Variants in AKAP6 observed in about 807,000 individuals in gnomAD.
AKAP6 encodes the protein A-kinase anchoring protein 6, also known as A-kinase anchor protein 6.
A neutral mutation model predicts 188.5 loss-of-function variants in AKAP6; 58 were observed. The observed-to-expected ratio is 0.31, with a 90% confidence interval of 0.25 to 0.38. The LOEUF (loss-of-function observed/expected upper bound fraction) is 0.38. AKAP6 is among the 10% of genes least tolerant of loss of function. The probability of loss-of-function intolerance (pLI) is 1.00; values close to 1 mark genes in which losing one functional copy is unlikely to be tolerated. For missense variants in AKAP6, 2,710 were observed against 2,740.0 expected (o/e 0.99, Z 0.24); for synonymous variants, 989 against 998.6 (o/e 0.99, Z 0.18).
In AKAP6 at chr14:32,543,845, T is replaced by G. The variant is rs114488660; in HGVS notation, c.577-1385T>G. On this transcript the variant is annotated intron_variant, in intron 3 of 13. Transcript: ENST00000280979. ...CTCTTATGTAAGAAAGGGACAATAGTACAGACGGCAGAAGAAAATTTTAAG... is the reference window on the plus strand; with the variant it reads ...CTCTTATGTAAGAAAGGGACAATAGGACAGACGGCAGAAGAAAATTTTAAG... 1.7e-3 allele frequency among the ~76,000 whole-genome samples: 261 copies of G among 152,286 alleles called. 2 individuals are homozygous for G. Among genetic ancestry groups the G allele is most frequent in the Middle Eastern group, 6.8e-3 (2 of 294 alleles).
At position 32,831,443 on chromosome 14, in the gene AKAP6, C is replaced by A. The variant is rs759682966; in HGVS notation, c.*1638C>A. The A allele has an allele frequency of 2.2e-4, 34 of 152,158 alleles. No homozygotes were observed. Among genetic ancestry groups the A allele is most frequent in the Non-Finnish European group, 4.4e-4 (30 of 68,014 alleles). 9.4% of individuals were successfully genotyped at this position (152,158 alleles called of 1,614,324 possible). A position where few individuals can be genotyped will look rare whatever the true frequency, so the allele number is the denominator to read the frequency against. On this transcript the variant is annotated 3_prime_UTR_variant, in exon 14 of 14. Coordinates refer to ENST00000280979, the MANE Select transcript of AKAP6 (RefSeq NM_004274.5). The stretch of plus-strand genomic sequence containing the variant: ...AGAGGTACAATGCAATATAAAGTCA[C>A]AATAGATAATATATATCAAATTTCT...
intron 10 of AKAP6, among the ~76,000 whole-genome samples, chr14:32,735,162 T>A (rs1240735512): frequency 6.6e-6 from 1 of 152,324 alleles, no homozygotes; most frequent in South Asian, 2.1e-4. Context: ...TTCGGAAATA[T>A]GTCACAAAAC....
At chr14:32,593,831 C>A (rs968581267) in intron 5 of AKAP6, among the ~76,000 whole-genome samples, 1 of 152,120 alleles carries the variant, frequency 6.6e-6, no homozygotes, top group Non-Finnish European at 1.5e-5. Context: ...TTGCTCTTCC[C>A]CATGTCTCAT....
In AKAP6 at chr14:32,545,902, C is replaced by T; in HGVS notation, c.1249C>T (p.Leu417=). Residue 417 remains leucine (L), a synonymous_variant, in exon 4 of 14, where the codon CTA becomes TTA. Coordinates refer to ENST00000280979, the MANE Select transcript of AKAP6 (RefSeq NM_004274.5). The part of the protein sequence containing the change: ...GNGGKRQMVD[L]KPEMSRSTPS... The stretch of plus-strand genomic sequence containing the variant: ...TGGTGGAAAGAGGCAAATGGTTGAT[C>T]TAAAGCCTGAGATGAGCAGAAGCAC... 2.5e-6 allele frequency: 4 copies of T among 1,614,186 alleles called. No homozygotes were observed. The highest frequency in any genetic ancestry group is 2.5e-6 in the Non-Finnish European group (3 of 1,180,030).
At chr14:32,345,697 AGT>A (rs1887044043) in intron 1 of AKAP6, among the ~76,000 whole-genome samples, 1 of 152,312 alleles carries the variant, frequency 6.6e-6, no homozygotes, top group Admixed American at 6.5e-5. Flanking sequence ...GTCATGAGGA[AGT>A]GTCCTGTCTC....
Position 32,822,283 on chromosome 14 carries a change from A to G in AKAP6, c.4470A>G (p.Glu1490=). The change falls in exon 13 of 14, where the codon GAA becomes GAG. Residue 1490 remains glutamate, a synonymous_variant. Transcript: ENST00000280979. ...LPMIMKQSQS[E]KAHVEDPLLR... ...TGATAATGAAACAGTCACAAAGCGAAAAAGCGCATGTGGAGGATCCCCTGC... is the reference window on the plus strand; with the variant it reads ...TGATAATGAAACAGTCACAAAGCGAGAAAGCGCATGTGGAGGATCCCCTGC... 6.2e-7 allele frequency: 1 copy of G among 1,613,912 alleles called. No homozygotes were observed. Among genetic ancestry groups the G allele is most frequent in the Middle Eastern group, 1.7e-4 (1 of 6,058 alleles).
At chr14:32,797,369 C>G (rs2033802989) in intron 12 of AKAP6, among the ~76,000 whole-genome samples, 1 of 152,144 alleles carries the variant, frequency 6.6e-6, no homozygotes, top group African/African-American at 2.4e-5. Flanking sequence ...AACCTAAACC[C>G]TATCAGTGAT....
chr14:32,617,269 T>A (rs1373817124), intron 7 of AKAP6, among the ~76,000 whole-genome samples: 1 of 152,072 alleles, frequency 6.6e-6, no homozygotes, highest in Non-Finnish European at 1.5e-5. Context: ...CTTGTTCAGC[T>A]CCCTATCTTT....
At chr14:32,548,023 A>T (rs1883274340) in intron 4 of AKAP6, among the ~76,000 whole-genome samples, 1 of 151,648 alleles carries the variant, frequency 6.6e-6, no homozygotes, top group African/African-American at 2.4e-5. Context: ...GTTTGATGAC[A>T]TATCAATGGC....
chr14:32,735,485 G>A (rs1209601737), intron 10 of AKAP6, among the ~76,000 whole-genome samples, 173 bp from the exon 11 acceptor site: 2 of 152,124 alleles, frequency 1.3e-5, no homozygotes, highest in Admixed American at 6.6e-5. Flanking sequence ...TGAACTGAAT[G>A]TCAGTAGTGA....
intron 7 of AKAP6, among the ~76,000 whole-genome samples, chr14:32,642,516 GT>G (rs1887803211): frequency 6.6e-6 from 1 of 152,082 alleles, no homozygotes; most frequent in Non-Finnish European, 1.5e-5. Flanking sequence ...CTTTCACTAA[GT>G]TGATTTATTT....
chr14:32,629,593 G>A (rs1887170658), intron 7 of AKAP6, among the ~76,000 whole-genome samples: 1 of 151,728 alleles, frequency 6.6e-6, no homozygotes, highest in South Asian at 2.1e-4. Flanking sequence ...TAAATGTGAG[G>A]GGCCAACCCT....
intron 11 of AKAP6, among the ~76,000 whole-genome samples, chr14:32,770,168 C>T (rs570115073): frequency 4.6e-5 from 7 of 152,056 alleles, no homozygotes; most frequent in Non-Finnish European, 7.4e-5. Context: ...ATCAAATTGA[C>T]GGTTTACAAA....
At chr14:32,414,065 C>T (rs867006364) in intron 1 of AKAP6, among the ~76,000 whole-genome samples, 2 of 151,998 alleles carry the variant, frequency 1.3e-5, no homozygotes, top group Middle Eastern at 3.4e-3. Flanking sequence ...GAGAAACCAG[C>T]ACAACCTTCA....
chr14:32,700,329 TC>T (rs1437227571), intron 9 of AKAP6, among the ~76,000 whole-genome samples: 3 of 152,232 alleles, frequency 2.0e-5, no homozygotes, highest in East Asian at 3.9e-4. Context: ...AATTCCAGAC[TC>T]CAAGGGTTAA....
chr14:32,635,793 A>G (rs558765258), intron 7 of AKAP6, among the ~76,000 whole-genome samples: 1 of 152,272 alleles, frequency 6.6e-6, no homozygotes, highest in East Asian at 1.9e-4. Flanking sequence ...TTTTAAAAGT[A>G]TGAATCTATG....
intron 1 of AKAP6, among the ~76,000 whole-genome samples, chr14:32,428,714 T>C (rs1025174795): frequency 5.9e-5 from 9 of 152,218 alleles, no homozygotes; most frequent in African/African-American, 2.2e-4. Flanking sequence ...CTTTTCTGAT[T>C]TAAATGTGTT....
intron 2 of AKAP6, among the ~76,000 whole-genome samples, chr14:32,487,593 G>A (rs1879772952): frequency 6.6e-6 from 1 of 152,222 alleles, no homozygotes; most frequent in South Asian, 2.1e-4. Flanking sequence ...TGCTGGCGAG[G>A]AGTTGTGATC....
intron 9 of AKAP6, among the ~76,000 whole-genome samples, chr14:32,720,952 TA>T (rs1289773762): frequency 6.6e-6 from 1 of 152,196 alleles, no homozygotes; most frequent in Non-Finnish European, 1.5e-5. Flanking sequence ...GAAAACAAAA[TA>T]AATGAAACTT....
Sources: allele counts gnomAD v4.1 joint callset (sites outside exome capture counted in the v4.1 genomes callset), GRCh38; gene constraint gnomAD v4.1.1; transcripts MANE v1.5; gene names NCBI Gene and HGNC (gene_info 2026-07-23, HGNC 2026-07-21).